DOCK8: variants seen among roughly 807,000 people sequenced by gnomAD.
DOCK8 encodes the protein dedicator of cytokinesis 8, also known as dedicator of cytokinesis protein 8.
In DOCK8, 141 loss-of-function variants were observed where a neutral mutation model predicts 245.6. The ratio of observed to expected loss-of-function variants is 0.57; its 90% CI spans 0.50 to 0.66. The LOEUF (loss-of-function observed/expected upper bound fraction) is 0.66, where lower values mean the gene tolerates loss of function less well. Among genes scored for constraint, DOCK8 ranks in the 30% least tolerant of loss-of-function variants. The pLI, the probability that DOCK8 is intolerant of heterozygous loss-of-function variation, is 0.00. For missense variants in DOCK8, 2,965 were observed against 2,603.4 expected (o/e 1.14, Z -3.02); for synonymous variants, 1,168 against 970.2 (o/e 1.20, Z -3.79).
chr9:280,557 G>A (rs1038093812), intron 2 of DOCK8, among the ~76,000 whole-genome samples: 27 of 152,214 alleles, frequency 1.8e-4, no homozygotes, highest in African/African-American at 6.0e-4. Context: ...ACAAGCTGAA[G>A]CCTGGAGTCT....
At chr9:433,402 C>T (rs1375918239) in intron 37 of DOCK8, among the ~76,000 whole-genome samples, 2 of 152,160 alleles carry the variant, frequency 1.3e-5, no homozygotes, top group African/African-American at 4.8e-5. Flanking sequence ...CCTGGACCTC[C>T]ACTGTTGGTT....
chr9:247,352 G>T (rs2047528988), intron 1 of DOCK8, among the ~76,000 whole-genome samples: 1 of 152,130 alleles, frequency 6.6e-6, no homozygotes, highest in Non-Finnish European at 1.5e-5. Context: ...ACAAGTTAGT[G>T]AGCTTGTGGA....
rs112688362 is a variant in DOCK8 at position 398,920 on chromosome 9, C to G, written c.3121-226C>G. Among the ~76,000 whole-genome samples the G allele has an allele frequency of 2.4e-3, 358 of 152,076 alleles. 4 individuals carry two copies. The highest frequency in any genetic ancestry group is 0.019 in the East Asian group (97 of 5,184). Reference sequence around the variant, plus strand: ...AATATGCATGTAGAAAAAAAAGTGACTGGAAGGAAATGCACCTAAATATTA... The same window carrying G: ...AATATGCATGTAGAAAAAAAAGTGAGTGGAAGGAAATGCACCTAAATATTA... On this transcript the variant is annotated intron_variant, in intron 25 of 47. Transcript: ENST00000432829.
At chr9:279,461 C>T (rs973251749) in intron 2 of DOCK8, among the ~76,000 whole-genome samples, 7 of 152,154 alleles carry the variant, frequency 4.6e-5, no homozygotes, top group African/African-American at 1.7e-4. Context: ...AACTCCAGGG[C>T]ACTGCATAGC....
chr9:374,338 C>A (rs771515324), intron 18 of DOCK8, among the ~76,000 whole-genome samples: 2 of 151,178 alleles, frequency 1.3e-5, no homozygotes, highest in Non-Finnish European at 2.9e-5. Context: ...TCAAAAACTT[C>A]ATGGGGAAAA....
intron 3 of DOCK8, among the ~76,000 whole-genome samples, chr9:288,940 A>G (rs1335468423): frequency 6.6e-6 from 1 of 152,194 alleles, no homozygotes; most frequent in Non-Finnish European, 1.5e-5. Context: ...TACAATTGTT[A>G]TTTTTGATTT....
chr9:426,205 A>G (rs1343649563), intron 33 of DOCK8, among the ~76,000 whole-genome samples: 1 of 152,198 alleles, frequency 6.6e-6, no homozygotes, highest in South Asian at 2.1e-4. Flanking sequence ...AGTGAAACCT[A>G]ATAGAGGAGC....
intron 4 of DOCK8, among the ~76,000 whole-genome samples, chr9:304,299 A>G (rs1007621065): frequency 2.0e-5 from 3 of 152,166 alleles, no homozygotes; most frequent in African/African-American, 7.2e-5. Flanking sequence ...TCGGAGCCAA[A>G]TGCCCCACAG....
intron 1 of DOCK8, among the ~76,000 whole-genome samples, chr9:254,128 T>C (rs2047715202): frequency 6.6e-6 from 1 of 152,202 alleles, no homozygotes; most frequent in Admixed American, 6.5e-5. Flanking sequence ...GTAAGATATA[T>C]TCTTAATGTA....
intron 24 of DOCK8, among the ~76,000 whole-genome samples, chr9:394,185 A>C (rs1364749210): frequency 6.6e-6 from 1 of 152,162 alleles, no homozygotes; most frequent in Non-Finnish European, 1.5e-5. Flanking sequence ...CTGGAAGCCA[A>C]AGGTTAAGGG....
At chr9:315,596 G>A (rs931999919) in intron 6 of DOCK8, among the ~76,000 whole-genome samples, 1 of 152,158 alleles carries the variant, frequency 6.6e-6, no homozygotes, top group African/African-American at 2.4e-5. Flanking sequence ...GATATGTACT[G>A]AAATATTTAT....
At chr9:216,476 G>A (rs2046754890) in intron 1 of DOCK8, among the ~76,000 whole-genome samples, 1 of 143,204 alleles carries the variant, frequency 7.0e-6, no homozygotes, top group South Asian at 2.2e-4. Flanking sequence ...GATCACAGCT[G>A]TGATCATGCC....
At chr9:440,401 C>G (rs1302484901) in intron 40 of DOCK8, among the ~76,000 whole-genome samples, 1 of 152,190 alleles carries the variant, frequency 6.6e-6, no homozygotes, top group Non-Finnish European at 1.5e-5. Context: ...TTAGCTGACC[C>G]AATTTTGTTT....
At chr9:433,070 G>A (rs759327208) in intron 37 of DOCK8, among the ~76,000 whole-genome samples, 28 of 152,174 alleles carry the variant, frequency 1.8e-4, no homozygotes, top group Non-Finnish European at 2.9e-4. Context: ...TGCCCTCTCG[G>A]GCAATGTTGC....
chr9:439,183 C>A, intron 39 of DOCK8, 62 bp from the exon 40 acceptor site: 1 of 1,610,430 alleles, frequency 6.2e-7, no homozygotes, highest in Non-Finnish European at 8.5e-7. Context: ...ATTCGGGGTT[C>A]CTGTGGTCTC....
intron 37 of DOCK8, 78 bp downstream of exon 37, chr9:432,402 A>G (rs1222380885): frequency 3.0e-6 from 4 of 1,334,180 alleles, no homozygotes; most frequent in Non-Finnish European, 4.3e-6. Context: ...ATGTACATAT[A>G]TACACAATTT....
At chr9:214,533 G>A (rs745972699), upstream of DOCK8, 4 of 1,613,360 alleles carry the variant, frequency 2.5e-6, no homozygotes, top group Non-Finnish European at 3.4e-6. Context: ...GGTGATTCCC[G>A]ACCTCGCCAG....
intron 14 of DOCK8, among the ~76,000 whole-genome samples, chr9:349,848 A>G (rs1276518705): frequency 6.6e-6 from 1 of 152,190 alleles, no homozygotes; most frequent in Non-Finnish European, 1.5e-5. Context: ...TAGAATTCTG[A>G]TTCATTCTCT....
chr9:307,257 C>G (rs10813157), intron 5 of DOCK8, among the ~76,000 whole-genome samples: 71,741 of 150,640 alleles, frequency 0.48, 17,977 homozygotes, highest in East Asian at 0.75. Context: ...TAGGTGAAGA[C>G]CAGCGTACAC....
Sources: gnomAD v4.1 joint callset for allele counts (sites outside exome capture counted in the v4.1 genomes callset) on GRCh38, gnomAD v4.1.1 for gene constraint, MANE v1.5 for transcripts, NCBI Gene and HGNC (gene_info 2026-07-23, HGNC 2026-07-21) for gene names.